Variants in PCDH11Y observed in about 807,000 individuals in gnomAD.
PCDH11Y encodes protocadherin 11 Y-linked.
For synonymous variants in PCDH11Y, 9 were observed against 83.6 expected (o/e 0.11, Z 4.87); for missense variants, 12 against 224.8 (o/e 0.05, Z 6.05).
At chrY:5,242,797 C>G in intron 2 of PCDH11Y, among the ~76,000 whole-genome samples, 2 of 32,923 alleles carry the variant, frequency 6.1e-5, no homozygotes, top group Admixed American at 2.8e-4. Flanking sequence ...GCACATTAGA[C>G]AAATAGATGT....
intron 2 of PCDH11Y, among the ~76,000 whole-genome samples, chrY:5,114,750 T>C (rs2124639282): frequency 3.1e-5 from 1 of 31,973 alleles, no homozygotes; most frequent in East Asian, 8.1e-4. Context: ...GAACACAATT[T>C]TAATACCAGA....
intron 2 of PCDH11Y, among the ~76,000 whole-genome samples, chrY:5,170,490 C>T: frequency 3.6e-5 from 1 of 27,657 alleles, no homozygotes; most frequent in Non-Finnish European, 8.6e-5. Context: ...GCACAGGAAT[C>T]CCTAGAAAAT....
chrY:5,441,045 T>TA lies in PCDH11Y; in HGVS notation c.3130-60010dup, dbSNP rs2053281495. Among the ~76,000 whole-genome samples the TA allele has an allele frequency of 6.2e-4, 20 of 32,310 alleles. No homozygotes were observed. In the East Asian group the frequency reaches 0.015, roughly 24 times the overall value. 86.7% of individuals were successfully genotyped at this position (32,310 alleles called of 37,273 possible). A position where few individuals can be genotyped will look rare whatever the true frequency, so the allele number is the denominator to read the frequency against. ...AACTTCATCTCATAATTTGCAGATGTAATACAATAAATAATTATAAAACAT... is the reference window on the plus strand; with the variant it reads ...AACTTCATCTCATAATTTGCAGATGTAAATACAATAAATAATTATAAAACAT... On this transcript the variant is annotated intron_variant, in intron 2 of 4. Transcript: ENST00000400457.
chrY:5,686,888 GT>G, intron 4 of PCDH11Y, among the ~76,000 whole-genome samples: 1 of 33,176 alleles, frequency 3.0e-5, no homozygotes, highest in East Asian at 8.0e-4. Context: ...TCTTGTGCTG[GT>G]TTTCATGGGG....
chrY:5,615,025 T>C lies in PCDH11Y; in HGVS notation c.3352+33227T>C, dbSNP rs2053491857. The stretch of plus-strand genomic sequence containing the variant: ...GGAAACCCTTGATAAAGCCATCAGA[T>C]CTCGTGAGACTTACTCACTACCACA... On this transcript the variant is annotated intron_variant, in intron 4 of 4. Transcript: ENST00000400457. 9.4e-5 allele frequency among the ~76,000 whole-genome samples: 3 copies of C among 31,880 alleles called. No homozygotes were observed. The South Asian group carries it at 2.2e-3, about 24-fold the overall frequency. 85.5% of individuals were successfully genotyped at this position (31,880 alleles called of 37,273 possible).
chrY:5,155,214 T>A, intron 2 of PCDH11Y, among the ~76,000 whole-genome samples: 1 of 32,091 alleles, frequency 3.1e-5, no homozygotes, highest in Admixed American at 2.9e-4. Context: ...ATTTTTTGGC[T>A]GATGAATGCA....
chrY:5,116,350 A>G, intron 2 of PCDH11Y, among the ~76,000 whole-genome samples: 2 of 33,664 alleles, frequency 5.9e-5, no homozygotes, highest in African/African-American at 2.3e-4. Flanking sequence ...AGAATTTTCA[A>G]TCATCCCAGA....
intron 2 of PCDH11Y, among the ~76,000 whole-genome samples, chrY:5,343,354 C>T (rs200852930): frequency 0.098 from 2,793 of 28,572 alleles, no homozygotes; most frequent in East Asian, 0.84. Context: ...CCCGGGTTCA[C>T]GCCATTCTCC....
intron 4 of PCDH11Y, among the ~76,000 whole-genome samples, chrY:5,736,426 A>G: frequency 3.0e-5 from 1 of 33,107 alleles, no homozygotes; most frequent in Non-Finnish European, 7.4e-5. Context: ...TGTAAGGTGC[A>G]TACACACAGG....
chrY:5,636,038 T>G, intron 4 of PCDH11Y, among the ~76,000 whole-genome samples: 1 of 34,190 alleles, frequency 2.9e-5, no homozygotes, highest in Non-Finnish European at 7.3e-5. Context: ...TTTCTAACAT[T>G]TGGCATCTGC....
At chrY:5,108,264 C>A, downstream of PCDH11Y, among the ~76,000 whole-genome samples, 1 of 32,068 alleles carries the variant, frequency 3.1e-5, no homozygotes, top group Non-Finnish European at 7.6e-5. Context: ...AATATATTCT[C>A]ATTTTATTTT....
intron 4 of PCDH11Y, among the ~76,000 whole-genome samples, chrY:5,708,245 A>G: frequency 9.0e-5 from 3 of 33,400 alleles, no homozygotes. Context: ...CCTACAAAAA[A>G]TGCTAGAGGG....
intron 2 of PCDH11Y, among the ~76,000 whole-genome samples, chrY:5,450,087 A>G: frequency 3.0e-5 from 1 of 33,012 alleles, no homozygotes; most frequent in Non-Finnish European, 7.5e-5. Context: ...TAGCAAAGCT[A>G]TAATCAATTA....
chrY:5,104,418 C>T, downstream of PCDH11Y: 2 of 383,957 alleles, frequency 5.2e-6, no homozygotes, highest in Non-Finnish European at 7.2e-6. Context: ...TTCCATTCCC[C>T]TTCCAAAAAA....
At position 5,534,062 on chromosome Y, in the gene PCDH11Y, C is replaced by T; in HGVS notation, c.3328+32807C>T. Among the ~76,000 whole-genome samples the T allele has an allele frequency of 9.2e-5, 3 of 32,493 alleles. No homozygotes were observed. The South Asian group carries it at 2.1e-3, about 22-fold the overall frequency. The allele number at this position is 32,493 out of a possible 37,273, so 87.2% of individuals were successfully genotyped here. ...CAATCACTTTTTCTTCTTCCTGAGA[C>T]GTCAAAGACATTTATTTTAAAACTT... On this transcript the variant is annotated intron_variant, in intron 3 of 4. Transcript: ENST00000400457.
intron 2 of PCDH11Y, among the ~76,000 whole-genome samples, chrY:5,302,254 C>G (rs1602901292): frequency 3.0e-3 from 65 of 21,834 alleles, no homozygotes; most frequent in African/African-American, 0.011. Context: ...AGGAAGGAAG[C>G]ACAGACATCA....
At chrY:5,439,151 ATGCAT>A (rs2053277974) in intron 2 of PCDH11Y, among the ~76,000 whole-genome samples, 1 of 33,455 alleles carries the variant, frequency 3.0e-5, no homozygotes, top group South Asian at 6.6e-4. Context: ...ATGGTAGTCC[ATGCAT>A]TTTCTTATCC....
intron 2 of PCDH11Y, among the ~76,000 whole-genome samples, chrY:5,183,051 G>A: frequency 6.0e-5 from 2 of 33,547 alleles, no homozygotes; most frequent in Non-Finnish European, 1.5e-4. Context: ...GTTCCTGGGT[G>A]TCTGTGTGTG....
chrY:5,471,146 C>T, intron 2 of PCDH11Y, among the ~76,000 whole-genome samples: 1 of 32,583 alleles, frequency 3.1e-5, no homozygotes, highest in Non-Finnish European at 7.7e-5. Flanking sequence ...TTGAGATATA[C>T]AGGGCTAGAA....
Sources: gnomAD v4.1 joint callset for allele counts (sites outside exome capture counted in the v4.1 genomes callset) on GRCh38, gnomAD v4.1.1 for gene constraint, MANE v1.5 for transcripts, NCBI Gene and HGNC (gene_info 2026-07-23, HGNC 2026-07-21) for gene names.